Variants in CSMD2 observed in about 807,000 individuals in gnomAD.
CSMD2 encodes CUB and sushi domain-containing protein 2.
A neutral mutation model predicts 398.5 loss-of-function variants in CSMD2; 130 were observed. That is an observed-to-expected ratio of 0.33 (90% CI 0.28 to 0.38). The LOEUF is 0.38. Ranked by LOEUF, CSMD2 falls within the 10% of genes least tolerant of loss-of-function variation. The pLI is 1.00. For missense variants in CSMD2, 3,829 were observed against 4,764.9 expected (o/e 0.80, Z 5.78); for synonymous variants, 1,828 against 1,908.5 (o/e 0.96, Z 1.10).
chr1:34,102,435 C>T (rs538734920), intron 1 of CSMD2, among the ~76,000 whole-genome samples: 7 of 151,682 alleles, frequency 4.6e-5, no homozygotes, highest in African/African-American at 1.7e-4. Context: ...GATTGGTTGG[C>T]TTCTCATCTC....
chr1:33,855,116 G>C (rs1223152376), intron 5 of CSMD2, among the ~76,000 whole-genome samples: 1 of 152,136 alleles, frequency 6.6e-6, no homozygotes, highest in African/African-American at 2.4e-5. Context: ...GAGGCTTGTG[G>C]GTGGATCCCC....
intron 70 of CSMD2, among the ~76,000 whole-genome samples, chr1:33,516,813 G>A (rs1653806988): frequency 2.6e-5 from 4 of 151,930 alleles, no homozygotes; most frequent in South Asian, 2.1e-4. Flanking sequence ...GGCCAACTTC[G>A]CCATTAGACC....
At chr1:34,058,805 C>T (rs933659366) in intron 2 of CSMD2, among the ~76,000 whole-genome samples, 2 of 152,100 alleles carry the variant, frequency 1.3e-5, no homozygotes, top group Admixed American at 1.3e-4. Flanking sequence ...CCCCACACCC[C>T]AGCCCTGAAT....
intron 13 of CSMD2, among the ~76,000 whole-genome samples, chr1:33,746,228 C>T (rs891248074): frequency 2.0e-5 from 3 of 152,154 alleles, no homozygotes; most frequent in African/African-American, 7.2e-5. Context: ...CATCTTGTCT[C>T]CAGCTTTGTG....
intron 25 of CSMD2, among the ~76,000 whole-genome samples, chr1:33,680,114 CG>C (rs1557720405): frequency 2.2e-5 from 3 of 137,612 alleles, no homozygotes; most frequent in Admixed American, 1.5e-4. Context: ...TTAGTAGAGA[CG>C]GGGTTTCACC....
intron 1 of CSMD2, among the ~76,000 whole-genome samples, chr1:34,098,388 A>G (rs1659607402): frequency 6.7e-6 from 1 of 149,408 alleles, no homozygotes; most frequent in African/African-American, 2.5e-5. Context: ...CAATGTGCAC[A>G]TGTACCCTAA....
intron 4 of CSMD2, among the ~76,000 whole-genome samples, chr1:33,921,700 G>A (rs1469426361): frequency 6.6e-6 from 1 of 152,240 alleles, no homozygotes; most frequent in East Asian, 1.9e-4. Context: ...ATGCTGCTTG[G>A]GGGAAGGCCT....
chr1:33,966,079 A>G (rs1645546250), intron 3 of CSMD2, among the ~76,000 whole-genome samples: 1 of 152,198 alleles, frequency 6.6e-6, no homozygotes, highest in Admixed American at 6.5e-5. Context: ...GAGGTCAGAG[A>G]TCACTTCCCG....
intron 7 of CSMD2, among the ~76,000 whole-genome samples, chr1:33,825,105 C>G (rs1238262236): frequency 6.6e-6 from 1 of 151,994 alleles, no homozygotes. Context: ...ACACTGGTAG[C>G]AGGAACATGT....
intron 3 of CSMD2, among the ~76,000 whole-genome samples, chr1:34,030,776 G>C (rs527407196): frequency 2.0e-5 from 3 of 152,252 alleles, no homozygotes; most frequent in Admixed American, 6.5e-5. Context: ...AGAAATGAGG[G>C]CACCATGAGA....
At chr1:33,960,033 C>T (rs568165896) in intron 3 of CSMD2, among the ~76,000 whole-genome samples, 7 of 152,208 alleles carry the variant, frequency 4.6e-5, no homozygotes, top group Non-Finnish European at 7.4e-5. Context: ...CTGATCCCCA[C>T]GTGACAGAAG....
In CSMD2 at chr1:33,739,275, C is replaced by T; in HGVS notation, c.2233G>A (p.Asp745Asn). 1.9e-6 allele frequency: 3 copies of T among 1,614,150 alleles called. No homozygotes were observed. The highest frequency in any genetic ancestry group is 2.5e-6 in the Non-Finnish European group (3 of 1,180,010). ...GVPVNGKRFG[D>N]SLQLGSSISF... The stretch of plus-strand genomic sequence containing the variant: ...ATGGAGCTGCCCAGCTGGAGGCTGT[C>T]CCCAAACCGTTTGCCATTTACTGGA... Residue 745 changes from aspartate to asparagine, a missense_variant, in exon 15 of 71, where the codon GAC becomes AAC. Around this residue, in one of 5 missense-constraint regions of CSMD2, gnomAD observed 2,001 missense variants for 2,567.1 expected, o/e 0.78. Transcript: ENST00000373381.
intron 2 of CSMD2, among the ~76,000 whole-genome samples, chr1:34,058,492 G>C (rs1364613118): frequency 6.6e-6 from 1 of 152,220 alleles, no homozygotes; most frequent in Non-Finnish European, 1.5e-5. Flanking sequence ...GGAGAGGGAA[G>C]TTGTTGAGCT....
intron 1 of CSMD2, among the ~76,000 whole-genome samples, chr1:34,151,332 G>A (rs1194103128): frequency 6.6e-6 from 1 of 152,172 alleles, no homozygotes; most frequent in South Asian, 2.1e-4. Context: ...TAGGCAGACG[G>A]GAGCAGCTAA....
intron 25 of CSMD2, among the ~76,000 whole-genome samples, chr1:33,666,997 G>A (rs982597711): frequency 6.6e-5 from 10 of 152,220 alleles, no homozygotes; most frequent in African/African-American, 2.2e-4. Flanking sequence ...ATAAGACCTG[G>A]AGGCAGAGAG....
chr1:33,638,114 C>T (rs1446332001), intron 29 of CSMD2, among the ~76,000 whole-genome samples: 3 of 152,130 alleles, frequency 2.0e-5, no homozygotes, highest in African/African-American at 7.2e-5. Context: ...GCATTTAAAC[C>T]CAAGTGGGAC....
In CSMD2 at chr1:33,804,858, C is replaced by A. The variant is rs147296740; in HGVS notation, c.1446+5885G>T. 7.4e-4 allele frequency: 534 copies of A among 717,442 alleles called. 3 individuals are homozygous for A. In the African/African-American group the frequency reaches 8.2e-3, roughly 11 times the overall value. 44.4% of individuals were successfully genotyped at this position (717,442 alleles called of 1,614,324 possible). On this transcript the variant is annotated intron_variant, in intron 10 of 70. Coordinates refer to ENST00000373381, the MANE Select transcript of CSMD2 (RefSeq NM_001281956.2). ...TAGACTTTGAGTTTCCACACTTAGA[C>A]CCTCCTTGTTGCATTGTATGTTCCC...
At chr1:34,021,273 G>C (rs747523573) in intron 3 of CSMD2, among the ~76,000 whole-genome samples, 4 of 152,192 alleles carry the variant, frequency 2.6e-5, no homozygotes, top group Admixed American at 2.6e-4. Flanking sequence ...TGGCAGAAAG[G>C]CATGCATCCC....
intron 16 of CSMD2, 148 bp downstream of exon 16, chr1:33,726,399 C>T (rs1646531075): frequency 2.5e-5 from 23 of 920,376 alleles, no homozygotes; most frequent in Non-Finnish European, 3.6e-5. Flanking sequence ...GAGGTCTGCC[C>T]CACCCAGGGC....
Sources: allele counts gnomAD v4.1 joint callset (sites outside exome capture counted in the v4.1 genomes callset), GRCh38; gene constraint gnomAD v4.1.1; regional missense constraint gnomAD v4.1.1; transcripts MANE v1.5; gene names NCBI Gene and HGNC (gene_info 2026-07-23, HGNC 2026-07-21).